Variants in DNAH7 observed in about 807,000 individuals in gnomAD.
DNAH7 encodes dynein axonemal heavy chain 7, also known as axonemal beta dynein heavy chain 7.
A neutral mutation model predicts 444.6 loss-of-function variants in DNAH7; 397 were observed. That is an observed-to-expected ratio of 0.89 (90% CI 0.82 to 0.97). DNAH7 has a LOEUF of 0.97. Ranked by LOEUF, DNAH7 falls within the 50% of genes least tolerant of loss-of-function variation. The pLI is 0.00. For synonymous variants in DNAH7, 1,636 were observed against 1,624.4 expected (o/e 1.01, Z -0.17); for missense variants, 4,902 against 4,800.8 (o/e 1.02, Z -0.62).
At chr2:195,943,850 C>T (rs541685361) in intron 19 of DNAH7, among the ~76,000 whole-genome samples, 17 of 152,240 alleles carry the variant, frequency 1.1e-4, no homozygotes, top group South Asian at 1.0e-3. Context: ...TGGCATATGC[C>T]GGTTGACATG....
chr2:195,740,605 GTGTGTGTGTGTATATA>G (rs1488355688), intron 64 of DNAH7, among the ~76,000 whole-genome samples, 145 bp downstream of exon 64: 5 of 54,836 alleles, frequency 9.1e-5, no homozygotes, highest in Admixed American at 3.2e-4. Context: ...GTGTGTGTGT[GTGTGTGTGTGTATATA>G]TATATATATA....
chr2:195,914,593 C>T (rs1032466491), intron 24 of DNAH7, among the ~76,000 whole-genome samples: 10 of 152,210 alleles, frequency 6.6e-5, no homozygotes, highest in Non-Finnish European at 1.5e-4. Flanking sequence ...AATAGTCCTA[C>T]CAGGCCAATG....
At chr2:195,742,140 G>A (rs1285643508) in intron 63 of DNAH7, among the ~76,000 whole-genome samples, 5 of 152,148 alleles carry the variant, frequency 3.3e-5, no homozygotes, top group African/African-American at 1.2e-4. Context: ...TTGATTCCAG[G>A]GCAGTGGAGG....
rs1693723596 is a variant in DNAH7 at position 195,750,360 on chromosome 2, TCA to T, written c.11764+3975_11764+3976del. ...GAAGCTTTTGGCAATGCTTATAAAT[TCA>T]GTCTTTTAGCTGAGTTCAAAAACAT... On this transcript the variant is annotated intron_variant, in intron 63 of 64. Transcript: ENST00000312428. Among the ~76,000 whole-genome samples, 6 of 152,306 alleles carry T rather than the reference TCA, an allele frequency of 3.9e-5. No homozygotes were observed. The South Asian group carries it at 1.2e-3, about 32-fold the overall frequency.
At chr2:195,740,741 G>A (rs1440124005) in intron 64 of DNAH7, 25 bp downstream of exon 64, 1 of 1,157,538 alleles carries the variant, frequency 8.6e-7, no homozygotes. Flanking sequence ...AATTCCACAT[G>A]TATATATAAT....
In DNAH7 at chr2:195,888,707, A is replaced by C. The variant is rs564317058; in HGVS notation, c.5229+92T>G. 8.4e-6 allele frequency: 11 copies of C among 1,306,946 alleles called. No individual in the cohort carries two copies. The Admixed American group carries it at 1.6e-4, about 19-fold the overall frequency. The allele number at this position is 1,306,946 out of a possible 1,614,324, so 81.0% of individuals were successfully genotyped here. On this transcript the variant is annotated intron_variant, in intron 32 of 64. Coordinates refer to ENST00000312428, the MANE Select transcript of DNAH7 (RefSeq NM_018897.3). ...ATCGCTCTTAAAAGAAATTCTGCTA[A>C]TATTTTTTGTTTAAAGTCAAAGGTA...
intron 5 of DNAH7, among the ~76,000 whole-genome samples, chr2:196,043,278 T>C (rs1252488201): frequency 2.6e-5 from 4 of 151,896 alleles, no homozygotes; most frequent in Non-Finnish European, 5.9e-5. Context: ...GAAAATAAAA[T>C]GTTCCCCCCA....
At chr2:195,788,349 G>T (rs1184006062) in intron 57 of DNAH7, among the ~76,000 whole-genome samples, 2 of 152,166 alleles carry the variant, frequency 1.3e-5, no homozygotes, top group Non-Finnish European at 2.9e-5. Flanking sequence ...CAAGCCCAAG[G>T]TGAGACACTG....
chr2:195,939,832 A>C (rs1307003963), intron 19 of DNAH7, among the ~76,000 whole-genome samples: 3 of 151,820 alleles, frequency 2.0e-5, no homozygotes, highest in African/African-American at 7.2e-5. Context: ...AGGAAGTTTC[A>C]TAGAAAATAC....
chr2:195,889,095 C>T (rs1030531049), intron 31 of DNAH7, 114 bp from the exon 32 acceptor site: 5 of 1,011,126 alleles, frequency 4.9e-6, no homozygotes, highest in Non-Finnish European at 7.1e-6. Flanking sequence ...TTAATTTCAT[C>T]ATGAAAACGT....
At chr2:196,010,369 A>G (rs971182432) in intron 10 of DNAH7, among the ~76,000 whole-genome samples, 4 of 151,642 alleles carry the variant, frequency 2.6e-5, no homozygotes, top group Admixed American at 2.6e-4. Context: ...GTGGTTTCAA[A>G]CTCCTGACCT....
intron 12 of DNAH7, among the ~76,000 whole-genome samples, chr2:195,989,870 C>T (rs1481931991): frequency 1.3e-5 from 2 of 152,154 alleles, no homozygotes; most frequent in South Asian, 2.1e-4. Flanking sequence ...GAGGCCTCCC[C>T]AGAAGCAGAT....
chr2:195,906,455 T>A (rs1468786716), intron 27 of DNAH7, among the ~76,000 whole-genome samples: 5 of 97,446 alleles, frequency 5.1e-5, no homozygotes, highest in African/African-American at 4.1e-4. Context: ...CTTTCTTTCT[T>A]TTTTTTTTTT....
chr2:195,804,074 C>A (rs1160249202), intron 54 of DNAH7, among the ~76,000 whole-genome samples: 2 of 147,668 alleles, frequency 1.4e-5, no homozygotes, highest in African/African-American at 2.5e-5. Flanking sequence ...AGACCCCCCC[C>A]AAATTGTGCT....
intron 54 of DNAH7, among the ~76,000 whole-genome samples, chr2:195,802,526 G>A (rs1347242549): frequency 6.6e-6 from 1 of 151,992 alleles, no homozygotes; most frequent in Non-Finnish European, 1.5e-5. Context: ...AAGATTAGCT[G>A]GGCATGGTGG....
chr2:195,858,845 T>C lies in DNAH7; in HGVS notation c.7737-41A>G, dbSNP rs988867705. On this transcript the variant is annotated intron_variant, in intron 42 of 64. Transcript: ENST00000312428. ...TAAAACAAAGTTAATCATGAGGCTCTGTATCCTACATGAAGGAAAAACTTA... is the reference window on the plus strand; with the variant it reads ...TAAAACAAAGTTAATCATGAGGCTCCGTATCCTACATGAAGGAAAAACTTA... 2.0e-6 allele frequency: 3 copies of C among 1,514,610 alleles called. No homozygotes were observed. In the South Asian group the frequency reaches 3.9e-5, roughly 19 times the overall value. The allele number at this position is 1,514,610 out of a possible 1,614,324, so 93.8% of individuals were successfully genotyped here. A position where few individuals can be genotyped will look rare whatever the true frequency, so the allele number is the denominator to read the frequency against.
At chr2:195,857,936 TC>T (rs1285847212) in intron 43 of DNAH7, among the ~76,000 whole-genome samples, 1 of 152,194 alleles carries the variant, frequency 6.6e-6, no homozygotes, top group East Asian at 1.9e-4. Flanking sequence ...AAATCTATCT[TC>T]ATCTTTCTAA....
At chr2:196,055,275 A>G (rs1381280355) in intron 2 of DNAH7, among the ~76,000 whole-genome samples, 1 of 152,098 alleles carries the variant, frequency 6.6e-6, no homozygotes, top group African/African-American at 2.4e-5. Flanking sequence ...CCCAGGAGGT[A>G]GAGGCTATAG....
chr2:196,006,883 T>C (rs1172965271), intron 10 of DNAH7, among the ~76,000 whole-genome samples: 1 of 151,944 alleles, frequency 6.6e-6, no homozygotes, highest in Non-Finnish European at 1.5e-5. Context: ...TAAAATTACA[T>C]ACATAATTAC....
Sources: allele counts gnomAD v4.1 joint callset (sites outside exome capture counted in the v4.1 genomes callset), GRCh38; gene constraint gnomAD v4.1.1; transcripts MANE v1.5; gene names NCBI Gene and HGNC (gene_info 2026-07-23, HGNC 2026-07-21).